NRXN3: variants seen among roughly 807,000 people sequenced by gnomAD.
The protein encoded by NRXN3 is neurexin III.
Under a neutral mutation model 137.6 loss-of-function variants are expected in NRXN3, and 32 were observed. The ratio of observed to expected loss-of-function variants is 0.23; its 90% CI spans 0.18 to 0.31. The LOEUF is 0.31. NRXN3 is among the 10% of genes least tolerant of loss of function. NRXN3 has a pLI of 1.00. For synonymous variants in NRXN3, 798 were observed against 784.5 expected (o/e 1.02, Z -0.29); for missense variants, 1,574 against 2,062.5 (o/e 0.76, Z 4.59).
At chr14:78,298,968 G>C (rs1411134536) in intron 4 of NRXN3, among the ~76,000 whole-genome samples, 1 of 152,210 alleles carries the variant, frequency 6.6e-6, no homozygotes, top group African/African-American at 2.4e-5. Context: ...ACTGCCCGAG[G>C]CTGGAAGAAG....
At chr14:78,595,941 G>A (rs1050157079) in intron 4 of NRXN3, among the ~76,000 whole-genome samples, 3 of 152,152 alleles carry the variant, frequency 2.0e-5, no homozygotes, top group Admixed American at 6.5e-5. Context: ...GGGACAATTC[G>A]CATAGCTGCA....
intron 15 of NRXN3, among the ~76,000 whole-genome samples, chr14:79,147,545 G>T (rs2059411052): frequency 6.6e-6 from 1 of 152,094 alleles, no homozygotes; most frequent in Admixed American, 6.5e-5. Context: ...CTAGTTTCTT[G>T]TGAAGAGTGA....
intron 15 of NRXN3, among the ~76,000 whole-genome samples, chr14:79,077,639 A>G (rs1163925354): frequency 1.3e-5 from 2 of 152,170 alleles, no homozygotes; most frequent in South Asian, 2.1e-4. Context: ...AAATTAAACT[A>G]TAACTGGAAT....
chr14:79,517,650 T>C (rs915026633), intron 16 of NRXN3, among the ~76,000 whole-genome samples: 3 of 129,016 alleles, frequency 2.3e-5, no homozygotes, highest in South Asian at 2.3e-4. Flanking sequence ...ACGTGAGGTA[T>C]TGATACAAAT....
rs1024112993 is a variant in NRXN3, at chr14:79,864,505, G to A, written c.*2541G>A. On this transcript the variant is annotated 3_prime_UTR_variant, in exon 21 of 21. Coordinates refer to ENST00000335750, the MANE Select transcript of NRXN3 (RefSeq NM_001330195.2). Reference sequence around the variant, plus strand: ...ATTATGTCATATCTTATTAAAAGCCGAGTAAGAGCTAGACCACTTTCATGT... The same window carrying A: ...ATTATGTCATATCTTATTAAAAGCCAAGTAAGAGCTAGACCACTTTCATGT... The A allele has an allele frequency of 6.6e-6, 1 of 152,504 alleles. No homozygotes were observed. The highest frequency in any genetic ancestry group is 2.4e-5 in the African/African-American group (1 of 41,432). 9.4% of individuals were successfully genotyped at this position (152,504 alleles called of 1,614,324 possible). A position where few individuals can be genotyped will look rare whatever the true frequency, so the allele number is the denominator to read the frequency against.
chr14:79,509,613 A>C (rs2096913387), intron 16 of NRXN3, among the ~76,000 whole-genome samples: 2 of 151,612 alleles, frequency 1.3e-5, no homozygotes, highest in African/African-American at 4.8e-5. Context: ...ATATGTATAT[A>C]TGAAAAGAGC....
At chr14:79,147,915 C>T (rs567014280) in intron 15 of NRXN3, among the ~76,000 whole-genome samples, 1 of 152,256 alleles carries the variant, frequency 6.6e-6, no homozygotes, top group Non-Finnish European at 1.5e-5. Flanking sequence ...TGCCACTGCG[C>T]TGAAAATGGG....
intron 10 of NRXN3, among the ~76,000 whole-genome samples, chr14:78,859,393 A>C (rs1197064309): frequency 6.6e-6 from 1 of 152,164 alleles, no homozygotes; most frequent in Non-Finnish European, 1.5e-5. Context: ...GATGCTAATA[A>C]TATGACGCCA....
At chr14:78,839,373 C>T (rs1340678014) in intron 10 of NRXN3, among the ~76,000 whole-genome samples, 1 of 152,164 alleles carries the variant, frequency 6.6e-6, no homozygotes, top group East Asian at 1.9e-4. Flanking sequence ...TAATGGAGGA[C>T]ACAGTCAGTC....
intron 19 of NRXN3, among the ~76,000 whole-genome samples, chr14:79,717,004 T>C (rs1294823968): frequency 6.6e-6 from 1 of 152,202 alleles, no homozygotes; most frequent in East Asian, 1.9e-4. Context: ...CATTCCGTTT[T>C]CTGTTGCATT....
chr14:78,273,150 G>A (rs1302477412), intron 2 of NRXN3, among the ~76,000 whole-genome samples: 1 of 152,090 alleles, frequency 6.6e-6, no homozygotes, highest in African/African-American at 2.4e-5. Flanking sequence ...TTGTCCTCAC[G>A]TTCACCCTCT....
At chr14:78,411,612 A>T (rs571706337) in intron 4 of NRXN3, among the ~76,000 whole-genome samples, 1 of 152,292 alleles carries the variant, frequency 6.6e-6, no homozygotes, top group Non-Finnish European at 1.5e-5. Context: ...TGCAATTTAA[A>T]ACATCACTTC....
intron 15 of NRXN3, among the ~76,000 whole-genome samples, chr14:79,265,603 T>C (rs936678791): frequency 6.6e-6 from 1 of 152,168 alleles, no homozygotes; most frequent in Non-Finnish European, 1.5e-5. Flanking sequence ...CAAGAATGTA[T>C]GGCACCACCC....
At chr14:79,848,737 G>C (rs2141660063) in intron 20 of NRXN3, among the ~76,000 whole-genome samples, 1 of 152,166 alleles carries the variant, frequency 6.6e-6, no homozygotes, top group South Asian at 2.1e-4. Flanking sequence ...CCATCTCTTA[G>C]CTGGCCCCAG....
At chr14:79,075,351 A>G (rs1397221603) in intron 15 of NRXN3, among the ~76,000 whole-genome samples, 2 of 152,162 alleles carry the variant, frequency 1.3e-5, no homozygotes, top group Non-Finnish European at 2.9e-5. Context: ...ACATTATTGC[A>G]TTTTAGAGAT....
chr14:78,646,411 G>C (rs1421921610), intron 5 of NRXN3, among the ~76,000 whole-genome samples: 1 of 152,110 alleles, frequency 6.6e-6, no homozygotes, highest in Non-Finnish European at 1.5e-5. Context: ...ATGGCATCCA[G>C]GCTTTATTAA....
At chr14:79,799,934 T>C (rs1568294224) in intron 19 of NRXN3, among the ~76,000 whole-genome samples, 3 of 152,316 alleles carry the variant, frequency 2.0e-5, no homozygotes, top group Middle Eastern at 6.8e-3. Context: ...GCTTGACATA[T>C]AGGTGTTTGA....
chr14:78,911,749 G>T (rs559675183), intron 10 of NRXN3, among the ~76,000 whole-genome samples: 3 of 152,064 alleles, frequency 2.0e-5, no homozygotes, highest in Non-Finnish European at 4.4e-5. Flanking sequence ...TAAAATAATG[G>T]TATGATACAC....
intron 8 of NRXN3, among the ~76,000 whole-genome samples, chr14:78,730,906 T>C (rs139814965): frequency 0.01 from 1,592 of 152,312 alleles, 8 homozygotes; most frequent in Non-Finnish European, 0.017. Context: ...CGGAGATTGA[T>C]GGTGGTGGCG....
Sources: allele counts gnomAD v4.1 joint callset (sites outside exome capture counted in the v4.1 genomes callset), GRCh38; gene constraint gnomAD v4.1.1; transcripts MANE v1.5; gene names NCBI Gene and HGNC (gene_info 2026-07-23, HGNC 2026-07-21).